BUB1B: variants seen among roughly 807,000 people sequenced by gnomAD.
BUB1B encodes the protein mitotic checkpoint serine/threonine-protein kinase BUB1 beta.
Under a neutral mutation model 137.7 loss-of-function variants are expected in BUB1B, and 86 were observed. The ratio of observed to expected loss-of-function variants is 0.62; its 90% confidence interval spans 0.52 to 0.75. The LOEUF (loss-of-function observed/expected upper bound fraction) is 0.75. Among genes scored for constraint, BUB1B ranks in the 30% least tolerant of loss-of-function variants. The pLI is 0.00. For synonymous variants in BUB1B, 420 were observed against 417.9 expected, an observed-to-expected ratio of 1.00 and a Z score of -0.06; for missense variants, 1,130 against 1,236.9, an observed-to-expected ratio of 0.91 and a Z score of 1.30.
intron 5 of BUB1B, among the ~76,000 whole-genome samples, chr15:40,178,680 T>C (rs548341487): frequency 1.3e-5 from 2 of 152,244 alleles, no homozygotes; most frequent in South Asian, 4.1e-4. Flanking sequence ...TGTGATTTTG[T>C]CTATTTCTTT....
At chr15:40,205,252 T>A (rs1481496255) in intron 14 of BUB1B, among the ~76,000 whole-genome samples, 1 of 150,122 alleles carries the variant, frequency 6.7e-6, no homozygotes, top group Non-Finnish European at 1.5e-5. Flanking sequence ...CGGCCTATAA[T>A]TTTTTTTTTA....
chr15:40,170,744 T>C (rs2037152886), intron 4 of BUB1B, 63 bp downstream of exon 4: 8 of 1,552,386 alleles, frequency 5.2e-6, no homozygotes, highest in Admixed American at 3.4e-5. Context: ...TCTCTAGAGG[T>C]ATCTGGTATA....
Position 40,199,652 on chromosome 15 carries a change from G to A in BUB1B, c.1326G>A (p.Met442Ile), listed in dbSNP as rs1251235123. 1 of 1,613,918 alleles carries A rather than the reference G, an allele frequency of 6.2e-7. No homozygotes were observed. Among genetic ancestry groups the A allele is most frequent in the Non-Finnish European group, 8.5e-7 (1 of 1,179,930 alleles). Reference protein sequence around the residue: ...LLTSAEKRAEMQKQIEEMEKK... With the variant: ...LLTSAEKRAEIQKQIEEMEKK... The stretch of plus-strand genomic sequence containing the variant: ...CCAGTGCAGAGAAGAGAGCAGAAAT[G>A]CAGAAACAGATTGAAGAGATGGAGA... Residue 442 changes from methionine to isoleucine, a missense_variant, in exon 10 of 23, where the codon ATG (methionine) becomes ATA (isoleucine). Coordinates refer to ENST00000287598, the MANE Select transcript of BUB1B (RefSeq NM_001211.6).
chr15:40,215,122 G>T (rs1339471364), intron 20 of BUB1B, among the ~76,000 whole-genome samples: 6 of 152,086 alleles, frequency 3.9e-5, no homozygotes, highest in Admixed American at 3.9e-4. Context: ...TTTTTACTTT[G>T]TCACTGCTTA....
rs2037670988 is a variant in BUB1B at position 40,208,788 on chromosome 15, C to T, written c.2143+18C>T. The T allele has an allele frequency of 1.3e-6, 2 of 1,594,894 alleles. No individual in the cohort carries two copies. Among genetic ancestry groups the T allele is most frequent in the Middle Eastern group, 1.7e-4 (1 of 6,034 alleles). ...GACTTCAGGTAGGATATACATACCA[C>T]TATATCCATGCCTAGTGAACACTTG... On this transcript the variant is annotated intron_variant, in intron 16 of 22. Transcript: ENST00000287598.
At chr15:40,165,218 C>A (rs577602320) in intron 2 of BUB1B, 22 bp downstream of exon 2, 2 of 1,614,070 alleles carry the variant, frequency 1.2e-6, no homozygotes, top group East Asian at 2.2e-5. Context: ...GGCTGAGTCT[C>A]AACCTGTCGT....
chr15:40,215,133 T>C (rs2037759762), intron 20 of BUB1B, among the ~76,000 whole-genome samples: 1 of 151,794 alleles, frequency 6.6e-6, no homozygotes, highest in Non-Finnish European at 1.5e-5. Flanking sequence ...TCACTGCTTA[T>C]CAAATTTAAT....
chr15:40,203,201 A>ATTTT (rs2037596423), intron 14 of BUB1B, among the ~76,000 whole-genome samples: 1 of 152,252 alleles, frequency 6.6e-6, no homozygotes, highest in Non-Finnish European at 1.5e-5. Context: ...TATCCATACC[A>ATTTT]TGAAATATTA....
rs937668303 is a variant in BUB1B, at chr15:40,195,989, G to A, written c.1059-556G>A. 3.3e-5 allele frequency among the ~76,000 whole-genome samples: 5 copies of A among 152,092 alleles called. No homozygotes were observed. The East Asian group carries it at 5.8e-4, about 18-fold the overall frequency. On this transcript the variant is annotated intron_variant, in intron 8 of 22. Transcript: ENST00000287598. ...TGCAGAAGCTTTTTAGTTTAGTTTA[G>A]CCCCATCTAATTATCTTTGTTTTTG...
intron 20 of BUB1B, among the ~76,000 whole-genome samples, chr15:40,217,184 C>G (rs1022321110): frequency 1.3e-5 from 2 of 152,174 alleles, no homozygotes; most frequent in African/African-American, 2.4e-5. Context: ...TTAATGTGTA[C>G]AGTACAGGGA....
chr15:40,185,533 TTTC>T lies in BUB1B; in HGVS notation c.967-11_967-9del, dbSNP rs748654731. ...AACATAAAACTATGGTAATTTTAGT[TTTC>T]TTCTTCATCTCCAGCCTCGTGGCAA... On this transcript the variant is annotated splice_polypyrimidine_tract_variant and intron_variant, in intron 7 of 22. Coordinates refer to ENST00000287598, the MANE Select transcript of BUB1B (RefSeq NM_001211.6). 50 of 1,613,586 alleles carry T rather than the reference TTTC, an allele frequency of 3.1e-5. 1 individual carries two copies. The highest frequency in any genetic ancestry group is 2.7e-4 in the African/African-American group (20 of 75,056).
At chr15:40,202,199 G>C (rs1440597369) in intron 12 of BUB1B, among the ~76,000 whole-genome samples, 3 of 152,156 alleles carry the variant, frequency 2.0e-5, no homozygotes, top group Admixed American at 2.0e-4. Context: ...GACAGTGGTA[G>C]AGAATCTAAA....
chr15:40,174,540 G>A (rs567084398), intron 4 of BUB1B, among the ~76,000 whole-genome samples: 1 of 152,276 alleles, frequency 6.6e-6, no homozygotes, highest in Non-Finnish European at 1.5e-5. Flanking sequence ...AAAATTACGA[G>A]TTCTATAGGA....
intron 10 of BUB1B, 98 bp downstream of exon 10, chr15:40,199,825 A>C: frequency 1.0e-6 from 1 of 963,484 alleles, no homozygotes. Flanking sequence ...ACCCCCATTT[A>C]GAGTTTCTGG....
intron 10 of BUB1B, chr15:40,200,017 T>C: frequency 1.7e-6 from 1 of 594,052 alleles, no homozygotes. Flanking sequence ...TCCATTAAAA[T>C]GGGATTGCCT....
At chr15:40,195,822 G>C (rs976816564) in intron 8 of BUB1B, among the ~76,000 whole-genome samples, 5 of 152,006 alleles carry the variant, frequency 3.3e-5, no homozygotes, top group Non-Finnish European at 7.4e-5. Flanking sequence ...CTTTTTGATA[G>C]GATTGTTTGT....
At chr15:40,204,066 C>A (rs572969025) in intron 14 of BUB1B, among the ~76,000 whole-genome samples, 8 of 152,080 alleles carry the variant, frequency 5.3e-5, no homozygotes, top group Admixed American at 2.6e-4. Flanking sequence ...TATTGTACAG[C>A]TAGATGAATT....
intron 12 of BUB1B, among the ~76,000 whole-genome samples, chr15:40,202,061 A>G (rs1280873429): frequency 6.6e-6 from 1 of 152,174 alleles, no homozygotes; most frequent in Non-Finnish European, 1.5e-5. Context: ...ATAGGTAGGT[A>G]TCATGTTTTG....
Position 40,170,672 on chromosome 15 carries a change from G to T in BUB1B, c.375G>T (p.Trp125Cys). ...YYSDPRFLNL[W>C]LKLGRLCNEP... ...GTGATCCTCGATTTCTCAATCTCTG[G>T]CTTAAATTAGTAAGTCTTTCTCAAG... is the stretch of plus-strand genomic sequence containing the variant. The change falls in exon 4 of 23, where the codon TGG becomes TGT. Residue 125 changes from tryptophan (W) to cysteine (C), a missense_variant. By Grantham distance (215) the Trp-to-Cys change is radical (BLOSUM62 -2). Transcript: ENST00000287598. The T allele has an allele frequency of 6.2e-7, 1 of 1,613,408 alleles. No homozygotes were observed. Among genetic ancestry groups the T allele is most frequent in the Non-Finnish European group, 8.5e-7 (1 of 1,179,630 alleles).
Sources: allele counts gnomAD v4.1 joint callset (sites outside exome capture counted in the v4.1 genomes callset), GRCh38; gene constraint gnomAD v4.1.1; transcripts MANE v1.5; gene names NCBI Gene and HGNC (gene_info 2026-07-23, HGNC 2026-07-21).